Variants in EMSY observed in about 807,000 individuals in gnomAD.
EMSY encodes the protein EMSY transcriptional repressor, BRCA2 interacting, also known as BRCA2-interacting transcriptional repressor EMSY.
EMSY carries 26 observed loss-of-function variants against 134.6 expected under a neutral mutation model. That is an observed-to-expected ratio of 0.19 (90% CI 0.14 to 0.27). The LOEUF (loss-of-function observed/expected upper bound fraction) is 0.27, where lower values mean the gene tolerates loss of function less well. Among genes scored for constraint, EMSY ranks in the 10% least tolerant of loss-of-function variants. EMSY has a pLI of 1.00. For synonymous variants in EMSY, 579 were observed against 577.8 expected (o/e 1.00, Z -0.03); for missense variants, 1,305 against 1,611.4 (o/e 0.81, Z 3.26).
chr11:76,461,278 TG>T (rs1443422369), intron 6 of EMSY, among the ~76,000 whole-genome samples: 1 of 152,228 alleles, frequency 6.6e-6, no homozygotes, highest in African/African-American at 2.4e-5. Flanking sequence ...TTGATTTCTT[TG>T]TAACTTAGAG....
chr11:76,476,041 A>G (rs996946021), intron 8 of EMSY, among the ~76,000 whole-genome samples: 6 of 152,306 alleles, frequency 3.9e-5, no homozygotes, highest in Admixed American at 6.5e-5. Context: ...AGAAATAACT[A>G]ATTTTTCTGA....
At position 76,451,975 on chromosome 11, in the gene EMSY, T is replaced by A; in HGVS notation, c.170+18T>A. On this transcript the variant is annotated intron_variant, in intron 3 of 20. Coordinates refer to ENST00000334736, the Ensembl canonical transcript of EMSY. ...GTTCTTAGGTAAATTATTGTAAATGTTTGTGAGACTCTAGAAATTTCATTT... is the reference window on the plus strand; with the variant it reads ...GTTCTTAGGTAAATTATTGTAAATGATTGTGAGACTCTAGAAATTTCATTT... The A allele has an allele frequency of 7.0e-7, 1 of 1,438,520 alleles. No individual in the cohort carries two copies. The highest frequency in any genetic ancestry group is 1.8e-4 in the Middle Eastern group (1 of 5,612). 89.1% of individuals were successfully genotyped at this position (1,438,520 alleles called of 1,614,324 possible).
Position 76,451,851 on chromosome 11 carries a change from C to G in EMSY, c.71-7C>G, listed in dbSNP as rs529427104. On this transcript the variant is annotated splice_polypyrimidine_tract_variant and splice_region_variant and intron_variant, in intron 2 of 20. Transcript: ENST00000334736. ...CCTATCTTGATAAAATAATTTTCTT[C>G]TTTTAGAATTGGAGGCATATGCTGG... is the stretch of plus-strand genomic sequence containing the variant. 1.4e-5 allele frequency: 22 copies of G among 1,544,864 alleles called. No individual in the cohort carries two copies. Among genetic ancestry groups the G allele is most frequent in the Non-Finnish European group, 1.8e-5 (21 of 1,149,608 alleles).
chr11:76,459,640 T>A (rs929600174), intron 5 of EMSY: 2 of 288,120 alleles, frequency 6.9e-6, no homozygotes, highest in African/African-American at 4.3e-5. Context: ...TGAAAATTAT[T>A]TTCATTTTTT....
At chr11:76,501,766 A>G (rs1420636343) in intron 9 of EMSY, among the ~76,000 whole-genome samples, 1 of 152,176 alleles carries the variant, frequency 6.6e-6, no homozygotes, top group African/African-American at 2.4e-5. Flanking sequence ...AAGAAAAGAA[A>G]TATTCAAAGA....
chr11:76,523,241 A>G (rs1950710830), exon 12 of EMSY: 1 of 1,613,884 alleles, frequency 6.2e-7, no homozygotes, highest in East Asian at 2.2e-5. Flanking sequence ...AGGAACGACC[A>G]TTCAAGGCCT....
chr11:76,452,147 G>A (rs1348008224), intron 3 of EMSY, among the ~76,000 whole-genome samples, 190 bp downstream of exon 3: 2 of 152,220 alleles, frequency 1.3e-5, no homozygotes, highest in Non-Finnish European at 2.9e-5. Context: ...CATTTATTGT[G>A]TAATCCAGAA....
At chr11:76,533,822 A>G (rs979410353) in intron 14 of EMSY, among the ~76,000 whole-genome samples, 7 of 152,188 alleles carry the variant, frequency 4.6e-5, no homozygotes, top group African/African-American at 1.7e-4. Flanking sequence ...GCATAAGCAC[A>G]TGTTACTGGT....
intron 8 of EMSY, among the ~76,000 whole-genome samples, chr11:76,476,588 A>G (rs533780104): frequency 6.8e-4 from 103 of 152,214 alleles, no homozygotes; most frequent in Non-Finnish European, 1.1e-3. Flanking sequence ...ATGTCTATCA[A>G]TATATTGCAG....
At chr11:76,472,866 C>T in intron 8 of EMSY, 26 bp downstream of exon 9, 3 of 1,606,144 alleles carry the variant, frequency 1.9e-6, no homozygotes, top group Non-Finnish European at 2.6e-6. Context: ...CAATTTAATT[C>T]TGTCACAGTT....
At chr11:76,484,061 G>A (rs570617628) in intron 8 of EMSY, among the ~76,000 whole-genome samples, 5 of 152,168 alleles carry the variant, frequency 3.3e-5, no homozygotes, top group Admixed American at 1.3e-4. Context: ...CTCAGACCAC[G>A]GGGCAATCAA....
chr11:76,516,172 T>A, exon 11 of EMSY: 1 of 1,613,940 alleles, frequency 6.2e-7, no homozygotes. Context: ...CGGCCAACAG[T>A]GAGCCCATCC....
At chr11:76,550,425 C>G in exon 21 of EMSY, 1 of 246,040 alleles carries the variant, frequency 4.1e-6, no homozygotes, top group Non-Finnish European at 7.7e-6. Flanking sequence ...GGATCATGGC[C>G]GGTGAAACAG....
chr11:76,470,847 T>C (rs1948541658), intron 7 of EMSY, among the ~76,000 whole-genome samples: 1 of 152,124 alleles, frequency 6.6e-6, no homozygotes, highest in Admixed American at 6.6e-5. Context: ...CTACACTGCT[T>C]TCTTTTCTGT....
intron 6 of EMSY, among the ~76,000 whole-genome samples, chr11:76,461,990 A>G (rs953998252): frequency 1.3e-5 from 2 of 151,938 alleles, no homozygotes; most frequent in Non-Finnish European, 2.9e-5. Context: ...TAATCCCAGC[A>G]CTTTGGGAGG....
intron 9 of EMSY, among the ~76,000 whole-genome samples, chr11:76,512,788 A>G (rs1488214233): frequency 2.0e-5 from 3 of 151,552 alleles, no homozygotes; most frequent in Admixed American, 2.0e-4. Flanking sequence ...ATCACCTTCA[A>G]GTTCTTGTCC....
rs137965327 is a variant in EMSY, at chr11:76,514,165, GT to G, written c.1513+637del. Among the ~76,000 whole-genome samples the G allele has an allele frequency of 1.5e-3, 224 of 151,938 alleles. 5 individuals carry two copies. The East Asian group carries it at 0.039, about 27-fold the overall frequency. ...TGTTTTTCTTTGTTTATTTGTTTTT[GT>G]TTTTTTCCTTGTTTATTTAAATGGG... On this transcript the variant is annotated intron_variant, in intron 10 of 20. Coordinates refer to ENST00000334736, the Ensembl canonical transcript of EMSY.
chr11:76,540,129 T>C (rs188776892), intron 17 of EMSY, among the ~76,000 whole-genome samples: 113 of 152,322 alleles, frequency 7.4e-4, no homozygotes, highest in African/African-American at 2.6e-3. Context: ...TTAGTTGATC[T>C]TTTTAAAATC....
chr11:76,492,398 G>A (rs528923415), intron 8 of EMSY, among the ~76,000 whole-genome samples: 30 of 152,200 alleles, frequency 2.0e-4, no homozygotes, highest in Admixed American at 1.2e-3. Context: ...CGCTTGAACC[G>A]GGAGGCAGAG....
Sources: allele counts gnomAD v4.1 joint callset (sites outside exome capture counted in the v4.1 genomes callset), GRCh38; gene constraint gnomAD v4.1.1; transcripts MANE v1.5; gene names NCBI Gene and HGNC (gene_info 2026-07-23, HGNC 2026-07-21).